TENM4: variants seen among roughly 807,000 people sequenced by gnomAD.
TENM4 encodes the protein teneurin transmembrane protein 4.
A neutral mutation model predicts 243.3 loss-of-function variants in TENM4; 82 were observed. That is an observed-to-expected ratio of 0.34 (90% CI 0.28 to 0.40). TENM4 has a LOEUF of 0.40. Ranked by LOEUF, TENM4 falls within the 10% of genes least tolerant of loss-of-function variation. TENM4 has a pLI of 1.00. For synonymous variants in TENM4, 1,412 were observed against 1,456.3 expected, an observed-to-expected ratio of 0.97 and a Z score of 0.69; for missense variants, 3,138 against 3,673.3, an observed-to-expected ratio of 0.85 and a Z score of 3.77.
intron 24 of TENM4, among the ~76,000 whole-genome samples, chr11:78,722,299 G>A (rs1855404059): frequency 6.6e-6 from 1 of 152,186 alleles, no homozygotes; most frequent in Admixed American, 6.5e-5. Flanking sequence ...ACAGGTATGA[G>A]CAATGGCACC....
At chr11:78,829,970 A>G (rs978469802) in intron 12 of TENM4, among the ~76,000 whole-genome samples, 3 of 152,112 alleles carry the variant, frequency 2.0e-5, no homozygotes, top group African/African-American at 7.2e-5. Flanking sequence ...CACCATCTCC[A>G]CACAGTACTG....
intron 3 of TENM4, among the ~76,000 whole-genome samples, chr11:79,192,669 C>T (rs1863541239): frequency 6.6e-6 from 1 of 151,992 alleles, no homozygotes; most frequent in Admixed American, 6.6e-5. Context: ...ACTTGTTTGT[C>T]TGCTGACCTT....
chr11:78,855,051 T>G (rs1347055183), intron 11 of TENM4, among the ~76,000 whole-genome samples: 1 of 152,174 alleles, frequency 6.6e-6, no homozygotes, highest in African/African-American at 2.4e-5. Context: ...TGGGTAGTTA[T>G]CTAGCTAGCT....
intron 27 of TENM4, among the ~76,000 whole-genome samples, chr11:78,704,062 CACAT>C (rs1286452762): frequency 0.01 from 1,499 of 146,042 alleles, 28 homozygotes; most frequent in African/African-American, 0.037. Flanking sequence ...CACACACACA[CACAT>C]ATATATATAA....
intron 4 of TENM4, among the ~76,000 whole-genome samples, chr11:79,090,511 G>A (rs769755598): frequency 6.6e-6 from 1 of 152,340 alleles, no homozygotes; most frequent in South Asian, 2.1e-4. Context: ...CAACTCATTC[G>A]TTCTGCATTG....
At chr11:79,166,372 A>ATGAAAT (rs1862914036) in intron 3 of TENM4, among the ~76,000 whole-genome samples, 1 of 152,188 alleles carries the variant, frequency 6.6e-6, no homozygotes, top group Non-Finnish European at 1.5e-5. Flanking sequence ...AAATTCAGCC[A>ATGAAAT]TCATTTCCCA....
intron 6 of TENM4, among the ~76,000 whole-genome samples, chr11:78,954,281 T>C (rs1185359912): frequency 3.9e-5 from 6 of 152,156 alleles, no homozygotes; most frequent in African/African-American, 1.4e-4. Flanking sequence ...AGGATGGGCC[T>C]GAGAGCAGCG....
chr11:79,243,947 G>T (rs1054475632), intron 2 of TENM4, among the ~76,000 whole-genome samples: 1 of 152,218 alleles, frequency 6.6e-6, no homozygotes, highest in African/African-American at 2.4e-5. Flanking sequence ...AATGCAGACT[G>T]TGATCCAGCA....
intron 25 of TENM4, 92 bp from the exon 26 acceptor site, chr11:78,712,806 C>A: frequency 1.6e-6 from 2 of 1,214,922 alleles, no homozygotes; most frequent in Admixed American, 2.3e-5. Flanking sequence ...CCTTTAGAAT[C>A]CAAGCAAAAA....
At chr11:79,137,458 C>T (rs1024079114) in intron 4 of TENM4, among the ~76,000 whole-genome samples, 4 of 151,986 alleles carry the variant, frequency 2.6e-5, no homozygotes, top group African/African-American at 9.7e-5. Context: ...TGAACCAGAC[C>T]CCTCAGGAAT....
intron 32 of TENM4, among the ~76,000 whole-genome samples, chr11:78,664,218 G>GC (rs1565320369): frequency 6.6e-6 from 1 of 152,178 alleles, no homozygotes; most frequent in African/African-American, 2.4e-5. Context: ...GGCAGTTATC[G>GC]CGTGGCAGGA....
chr11:79,267,641 T>C (rs907160572), intron 2 of TENM4, among the ~76,000 whole-genome samples: 5 of 152,228 alleles, frequency 3.3e-5, no homozygotes, highest in African/African-American at 1.2e-4. Flanking sequence ...CTCCATGGTA[T>C]AGACTCTCTT....
chr11:78,670,143 T>C lies in TENM4; in HGVS notation c.6202A>G (p.Ile2068Val), dbSNP rs1375171503. The change falls in exon 32 of 34, where the codon ATC (isoleucine) becomes GTC (valine). Residue 2068 changes from isoleucine to valine, a missense_variant. By Grantham distance (29) the Ile-to-Val change is conservative (BLOSUM62 3). Transcript: ENST00000278550. The part of the protein sequence containing the change: ...RQIGPLIDRQ[I>V]FRFTEEGMVN... ...ATGCCTTCCTCAGTGAAGCGGAAGATCTGTCGGTCAATCAGGGGCCCAATC... is the reference window on the plus strand; with the variant it reads ...ATGCCTTCCTCAGTGAAGCGGAAGACCTGTCGGTCAATCAGGGGCCCAATC... The C allele has an allele frequency of 1.1e-5, 18 of 1,613,910 alleles. No individual in the cohort carries two copies. The highest frequency in any genetic ancestry group is 1.5e-5 in the Non-Finnish European group (18 of 1,179,884).
intron 4 of TENM4, among the ~76,000 whole-genome samples, chr11:79,083,541 T>C (rs965576494): frequency 1.3e-5 from 2 of 152,220 alleles, no homozygotes; most frequent in Non-Finnish European, 2.9e-5. Flanking sequence ...TCCACGTGGA[T>C]AGCAGCCAGC....
At chr11:78,807,603 A>G (rs1857415946) in intron 14 of TENM4, among the ~76,000 whole-genome samples, 1 of 152,192 alleles carries the variant, frequency 6.6e-6, no homozygotes, top group Admixed American at 6.5e-5. Context: ...TTCTCTACCA[A>G]AAAGTTGTTA....
At chr11:79,120,754 A>G (rs1861727320) in intron 4 of TENM4, among the ~76,000 whole-genome samples, 1 of 152,244 alleles carries the variant, frequency 6.6e-6, no homozygotes. Flanking sequence ...GCAGAATCAC[A>G]AAGTATGGTT....
At chr11:78,773,464 AT>A (rs1397128915) in intron 17 of TENM4, among the ~76,000 whole-genome samples, 3 of 152,122 alleles carry the variant, frequency 2.0e-5, no homozygotes, top group Non-Finnish European at 4.4e-5. Context: ...CCTTCTCTCT[AT>A]TTTGGGCAGA....
intron 2 of TENM4, among the ~76,000 whole-genome samples, chr11:79,221,287 T>A (rs1038212448): frequency 9.9e-5 from 15 of 152,218 alleles, no homozygotes; most frequent in African/African-American, 3.6e-4. Context: ...GAAATAAAAC[T>A]TGTTGCAAAT....
chr11:79,312,908 T>G (rs897968933), intron 1 of TENM4, among the ~76,000 whole-genome samples: 2 of 152,172 alleles, frequency 1.3e-5, no homozygotes, highest in Admixed American at 1.3e-4. Flanking sequence ...AGCTACTCAC[T>G]CCATTCTTAG....
Sources: gnomAD v4.1 joint callset for allele counts (sites outside exome capture counted in the v4.1 genomes callset) on GRCh38, gnomAD v4.1.1 for gene constraint, MANE v1.5 for transcripts, NCBI Gene and HGNC (gene_info 2026-07-23, HGNC 2026-07-21) for gene names.